Variants in XDH observed in about 807,000 individuals in gnomAD.
XDH encodes xanthine dehydrogenase/oxidase.
XDH carries 138 observed loss-of-function variants against 156.1 expected under a neutral mutation model. That is an observed-to-expected ratio of 0.88 (90% CI 0.77 to 1.02). XDH has a LOEUF of 1.02. Ranked by LOEUF, XDH falls within the 50% of genes least tolerant of loss-of-function variation. XDH has a pLI of 0.00. For synonymous variants in XDH, 669 were observed against 625.7 expected, an observed-to-expected ratio of 1.07 and a Z score of -1.03; for missense variants, 1,849 against 1,684.9, an observed-to-expected ratio of 1.10 and a Z score of -1.71.
At chr2:31,344,115 C>T (rs1335912689) in intron 31 of XDH, among the ~76,000 whole-genome samples, 5 of 152,118 alleles carry the variant, frequency 3.3e-5, no homozygotes, top group Admixed American at 2.0e-4. Context: ...TAGCTATTCA[C>T]GCTGCTACTA....
At chr2:31,389,455 C>A in intron 6 of XDH, 1 of 152,786 alleles carries the variant, frequency 6.5e-6, no homozygotes. Flanking sequence ...AGCCACCTTG[C>A]ACTTCCCCTC....
chr2:31,411,523 T>C (rs2148014959), intron 1 of XDH, among the ~76,000 whole-genome samples: 1 of 152,286 alleles, frequency 6.6e-6, no homozygotes, highest in East Asian at 1.9e-4. Flanking sequence ...ACATTAACAG[T>C]TGGTAAAGTA....
chr2:31,360,660 A>G (rs933601869), intron 24 of XDH, among the ~76,000 whole-genome samples: 1 of 152,174 alleles, frequency 6.6e-6, no homozygotes, highest in Non-Finnish European at 1.5e-5. Context: ...CTTGGTTGTC[A>G]GATTGAAAAA....
chr2:31,344,686 A>G lies in XDH; in HGVS notation c.3402T>C (p.Tyr1134=). The change falls in exon 31 of 36, where the codon TAT becomes TAC. Residue 1134 remains tyrosine, a splice_region_variant and synonymous_variant. Transcript: ENST00000379416. ...GGCAAGGACAACACCATACTTACCT[A>G]TAAAACCCAGTGGCAGACAAGCTCA... is the stretch of plus-strand genomic sequence containing the variant. ...DTVSLSATGF[Y]RTPNLGYSFE... 1 of 1,614,120 alleles carries G rather than the reference A, an allele frequency of 6.2e-7. No homozygotes were observed.
At chr2:31,379,277 A>G (rs189087362) in intron 13 of XDH, among the ~76,000 whole-genome samples, 4 of 152,288 alleles carry the variant, frequency 2.6e-5, no homozygotes, top group Admixed American at 6.5e-5. Flanking sequence ...GCAGGAATCC[A>G]TCCGCACCAA....
intron 8 of XDH, among the ~76,000 whole-genome samples, chr2:31,386,927 GGAGGGAGGGAGGGAGA>G (rs1295761795): frequency 2.3e-5 from 3 of 129,996 alleles, no homozygotes; most frequent in African/African-American, 5.7e-5. Context: ...GCATGAGAAG[GGAGGGAGGGAGGGAGA>G]GAGGGAGGGA....
intron 12 of XDH, 118 bp from the exon 13 acceptor site, chr2:31,380,094 G>C: frequency 1.0e-6 from 1 of 974,214 alleles, no homozygotes; most frequent in Non-Finnish European, 1.6e-6. Context: ...CCCACAGTCA[G>C]AGCAAATGAC....
At chr2:31,345,986 A>G (rs1685278283) in intron 30 of XDH, among the ~76,000 whole-genome samples, 1 of 152,234 alleles carries the variant, frequency 6.6e-6, no homozygotes, top group African/African-American at 2.4e-5. Context: ...CATAGAAGGC[A>G]TAGTAAGATG....
At chr2:31,345,703 G>A (rs1685266202) in intron 30 of XDH, among the ~76,000 whole-genome samples, 1 of 152,036 alleles carries the variant, frequency 6.6e-6, no homozygotes, top group Admixed American at 6.6e-5. Flanking sequence ...GTGCACGCAT[G>A]CTTGTGTGCG....
At chr2:31,365,773 G>T (rs1057101125) in intron 22 of XDH, among the ~76,000 whole-genome samples, 2 of 152,176 alleles carry the variant, frequency 1.3e-5, no homozygotes, top group Non-Finnish European at 2.9e-5. Flanking sequence ...AGAGATCAGA[G>T]GTGGATACCT....
At chr2:31,341,437 G>T in intron 32 of XDH, 43 bp from the exon 33 acceptor site, 1 of 1,544,618 alleles carries the variant, frequency 6.5e-7, no homozygotes, top group Non-Finnish European at 8.8e-7. Flanking sequence ...AGGAGGAAAA[G>T]ATGTTTGGAA....
In XDH at chr2:31,335,109, A is replaced by T. The variant is rs1684940357; in HGVS notation, c.*849T>A. The T allele has an allele frequency of 6.6e-6, 1 of 152,190 alleles. No individual in the cohort carries two copies. Among genetic ancestry groups the T allele is most frequent in the African/African-American group, 2.4e-5 (1 of 41,432 alleles). The allele number at this position is 152,190 out of a possible 1,614,324, so 9.4% of individuals were successfully genotyped here. On this transcript the variant is annotated 3_prime_UTR_variant, in exon 36 of 36. Transcript: ENST00000379416. ...TGGTCTCAAACTGCTGGGCTCAAGC[A>T]ATTCTCCTGCCTTAGCCTCCCAAAG...
intron 16 of XDH, among the ~76,000 whole-genome samples, chr2:31,372,771 G>C (rs1444751006): frequency 6.6e-6 from 1 of 152,114 alleles, no homozygotes; most frequent in Admixed American, 6.5e-5. Flanking sequence ...ATTTGTGTTT[G>C]TGTTTGACAA....
chr2:31,391,724 T>C (rs889672376), intron 6 of XDH, among the ~76,000 whole-genome samples: 1 of 152,242 alleles, frequency 6.6e-6, no homozygotes, highest in African/African-American at 2.4e-5. Flanking sequence ...TTTAGATTCA[T>C]ACCTAAGTAT....
Position 31,372,262 on chromosome 2 carries a change from G to A in XDH, c.1822C>T (p.Leu608=). 6.2e-7 allele frequency: 1 copy of A among 1,614,258 alleles called. No homozygotes were observed. Among genetic ancestry groups the A allele is most frequent in the Middle Eastern group, 1.6e-4 (1 of 6,062 alleles). The part of the protein sequence containing the change: ...PRYENELSLR[L]VTSTRAHAKI... ...GCGTGGGCCCGGGTGCTGGTGACCA[G>A]CCGGAGAGACAGCTCATTCTCGTAG... The change falls in exon 17 of 36, where the codon CTG becomes TTG. Residue 608 remains leucine, a synonymous_variant. Coordinates refer to ENST00000379416, the MANE Select transcript of XDH (RefSeq NM_000379.4).
rs1686383081 is a variant in XDH at position 31,379,867 on chromosome 2, C to A, written c.1242G>T (p.Glu414Asp). 2 of 1,613,940 alleles carry A rather than the reference C, an allele frequency of 1.2e-6. No homozygotes were observed. Among genetic ancestry groups the A allele is most frequent in the South Asian group, 2.2e-5 (2 of 91,082 alleles). Residue 414 changes from glutamate to aspartate, a missense_variant and splice_region_variant, in exon 13 of 36, where the codon GAG becomes GAT. Physicochemically the swap from Glu to Asp is conservative, Grantham distance 45. Coordinates refer to ENST00000379416, the MANE Select transcript of XDH (RefSeq NM_000379.4). ...LLSIEIPYSR[E>D]GEYFSAFKQA... Reference sequence around the variant, plus strand: ...CCTGGAACCACTTCCAACATCTCACCTCCCTGCTGTAGGGGATCTCTATGG... The same window carrying A: ...CCTGGAACCACTTCCAACATCTCACATCCCTGCTGTAGGGGATCTCTATGG...
Position 31,356,632 on chromosome 2 carries a change from C to T in XDH, c.2632-6409G>A, listed in dbSNP as rs556317970. On this transcript the variant is annotated intron_variant, in intron 24 of 35. Transcript: ENST00000379416. ...TTCCCTAGAGCTTCCAGAGGATGTG[C>T]GGTCCTGCCAACACCTTGATTTCAG... 9.9e-5 allele frequency among the ~76,000 whole-genome samples: 15 copies of T among 152,276 alleles called. 1 individual carries two copies. The South Asian group carries it at 2.9e-3, about 29-fold the overall frequency.
At chr2:31,339,789 T>C in intron 33 of XDH, 112 bp from the exon 34 acceptor site, 1 of 1,362,776 alleles carries the variant, frequency 7.3e-7, no homozygotes, top group Non-Finnish European at 1.0e-6. Context: ...GGAATGTAGC[T>C]AAAACTGCCC....
At chr2:31,406,111 T>A (rs904829818) in intron 1 of XDH, 147 bp from the exon 2 acceptor site, 2 of 913,280 alleles carry the variant, frequency 2.2e-6, no homozygotes, top group Non-Finnish European at 3.5e-6. Context: ...CTAAATCTCA[T>A]GTTTAATTGT....
Sources: allele counts gnomAD v4.1 joint callset (sites outside exome capture counted in the v4.1 genomes callset), GRCh38; gene constraint gnomAD v4.1.1; transcripts MANE v1.5; gene names NCBI Gene and HGNC (gene_info 2026-07-23, HGNC 2026-07-21).